The following TNXB variants were observed in gnomAD, a reference collection of about 807,000 sequenced individuals.
The protein encoded by TNXB is tenascin XB.
In TNXB, 183 loss-of-function variants were observed where a neutral mutation model predicts 340.5. That is an observed-to-expected ratio of 0.54 (90% CI 0.48 to 0.61). The LOEUF is 0.61. Among genes scored for constraint, TNXB ranks in the 20% least tolerant of loss-of-function variants. The pLI is 0.00. For synonymous variants in TNXB, 2,121 were observed against 2,314.5 expected, an observed-to-expected ratio of 0.92 and a Z score of 2.40; for missense variants, 4,613 against 5,446.4, an observed-to-expected ratio of 0.85 and a Z score of 4.82.
rs1295158109 is a variant in TNXB, at chr6:32,073,655, A to G, written c.4673T>C (p.Ile1558Thr). 1 of 1,606,480 alleles carries G rather than the reference A, an allele frequency of 6.2e-7. No homozygotes were observed. Among genetic ancestry groups the G allele is most frequent in the Non-Finnish European group, 8.5e-7 (1 of 1,176,608 alleles). ...GQRMGPLSVVIVTAPLPPAPA... is the reference protein window; with the variant it reads ...GQRMGPLSVVTVTAPLPPAPA... The stretch of plus-strand genomic sequence containing the variant: ...GTCCCCCCATTACTCACCCGTCACG[A>G]TGACCACAGACAGGGGGCCCATGCG... Residue 1558 changes from isoleucine (I) to threonine (T), a missense_variant, in exon 12 of 44, where the codon ATC (isoleucine) becomes ACC (threonine). Around this residue, in one of 7 missense-constraint regions of TNXB, gnomAD observed 4,327 missense variants for 4,859.4 expected, o/e 0.89. Coordinates refer to ENST00000644971, the MANE Select transcript of TNXB (RefSeq NM_001365276.2). This position sits in a 1 kb window ranked among gnomAD's most constrained non-coding sequence, Gnocchi z 4.6.
rs1291620439 is a variant in TNXB, at chr6:32,096,527, G to A, written c.1326C>T (p.Arg442=). 1 of 1,596,848 alleles carries A rather than the reference G, an allele frequency of 6.3e-7. No individual in the cohort carries two copies. Among genetic ancestry groups the A allele is most frequent in the Non-Finnish European group, 8.5e-7 (1 of 1,177,098 alleles). The change falls in exon 3 of 44, where the codon CGC becomes CGT. Residue 442 remains arginine, a synonymous_variant. Transcript: ENST00000644971. ...CACACACGCCGTTCTCGCAGCGCCC[G>A]CGACCTCTACAGTCGCGTGGGCAGG... ...SRACPRDCRG[R]GRCENGVCVC...
chr6:32,105,929 A>G lies in TNXB; in HGVS notation c.-9+3252T>C, dbSNP rs114267997. 4.3e-3 allele frequency among the ~76,000 whole-genome samples: 654 copies of G among 152,346 alleles called. 2 individuals carry two copies. Among genetic ancestry groups the G allele is most frequent in the African/African-American group, 0.012 (487 of 41,580 alleles). ...AATTGTGGTTTATTCACACCGTGGA[A>G]TAAAATAAAGCAGGAATGAACTATA... On this transcript the variant is annotated intron_variant, in intron 1 of 43. Transcript: ENST00000644971.
Position 32,097,364 on chromosome 6 carries a change from A to C in TNXB, c.489T>G (p.Gly163=). 1 of 1,612,604 alleles carries C rather than the reference A, an allele frequency of 6.2e-7. No individual in the cohort carries two copies. The highest frequency in any genetic ancestry group is 8.5e-7 in the Non-Finnish European group (1 of 1,179,842). Residue 163 remains glycine, a synonymous_variant, in exon 3 of 44, where the codon GGT becomes GGG. Coordinates refer to ENST00000644971, the MANE Select transcript of TNXB (RefSeq NM_001365276.2). The surrounding 1 kb of genome is among the most constrained non-coding windows in gnomAD (Gnocchi z 5.9). ...RCTCSCEPGW[G]GPTCSDPTDA... ...CTGTGGGGTCTGAGCAGGTGGGCCC[A>C]CCCCAGCCTGGCTCACAGGAACAGG...
chr6:32,089,364 G>T lies in TNXB; in HGVS notation c.2374C>A (p.Pro792Thr), dbSNP rs1386695678. Residue 792 changes from proline to threonine, a missense_variant, in exon 5 of 44, where the codon CCC becomes ACC. By Grantham distance (38) the Pro-to-Thr change is conservative. Coordinates refer to ENST00000644971, the MANE Select transcript of TNXB (RefSeq NM_001365276.2). The surrounding 1 kb of genome is among the most constrained non-coding windows in gnomAD (Gnocchi z 6.2). ...QFIPTTEGASPPFTARVPSSA... is the reference protein window; with the variant it reads ...QFIPTTEGASTPFTARVPSSA... ...CTTGGAACCCGTGCTGTGAATGGGGGGCTCGCCCCCTCTGTCTGTGAGAGA... is the reference window on the plus strand; with the variant it reads ...CTTGGAACCCGTGCTGTGAATGGGGTGCTCGCCCCCTCTGTCTGTGAGAGA... 1 of 1,607,060 alleles carries T rather than the reference G, an allele frequency of 6.2e-7. No individual in the cohort carries two copies. The highest frequency in any genetic ancestry group is 1.1e-5 in the South Asian group (1 of 89,464).
chr6:32,093,307 C>T lies in TNXB; in HGVS notation c.2358+1769G>A, dbSNP rs781231897. 13 of 680,676 alleles carry T rather than the reference C, an allele frequency of 1.9e-5. 1 individual carries two copies. Among genetic ancestry groups the T allele is most frequent in the South Asian group, 7.6e-5 (5 of 65,604 alleles). 42.2% of individuals were successfully genotyped at this position (680,676 alleles called of 1,614,324 possible). A position where few individuals can be genotyped will look rare whatever the true frequency, so the allele number is the denominator to read the frequency against. Reference sequence around the variant, plus strand: ...TTCTCTAGTTGCCAAATTCTTGTCTCGTGATTAAAGTATTTTTATAACAAC... The same window carrying T: ...TTCTCTAGTTGCCAAATTCTTGTCTTGTGATTAAAGTATTTTTATAACAAC... On this transcript the variant is annotated intron_variant, in intron 4 of 43. Coordinates refer to ENST00000644971, the MANE Select transcript of TNXB (RefSeq NM_001365276.2).
Position 32,083,684 on chromosome 6 carries a change from C to A in TNXB, c.3445+729G>T, listed in dbSNP as rs1410335663. Among the ~76,000 whole-genome samples, 1 of 152,058 alleles carries A rather than the reference C, an allele frequency of 6.6e-6. No homozygotes were observed. Among genetic ancestry groups the A allele is most frequent in the Non-Finnish European group, 1.5e-5 (1 of 68,004 alleles). ...TTTTGAGACAGGGTGTTGCTCTGTG[C>A]AGAGTGTGGATAGCACCCAGGCTGG... On this transcript the variant is annotated intron_variant, in intron 8 of 43. Coordinates refer to ENST00000644971, the MANE Select transcript of TNXB (RefSeq NM_001365276.2). The surrounding 1 kb of genome is among the most constrained non-coding windows in gnomAD (Gnocchi z 4.6).
At position 32,055,893 on chromosome 6, in the gene TNXB, C is replaced by T. The variant is rs1046018971; in HGVS notation, c.8425G>A (p.Glu2809Lys). 6 of 1,613,174 alleles carry T rather than the reference C, an allele frequency of 3.7e-6. No individual in the cohort carries two copies. The highest frequency in any genetic ancestry group is 1.7e-5 in the Admixed American group (1 of 60,004). ...KYKMHLYGLH[E>K]GRRVGPVSTV... is the part of the protein sequence containing the mutation. ...GACACCGGGCCCACACGCCGCCCCT[C>T]GTGGAGGCCGTACAGGTGCATCTTG... Residue 2809 changes from glutamate to lysine, a missense_variant, in exon 24 of 44, where the codon GAG (glutamate) becomes AAG (lysine). This residue lies in a region of TNXB where 4,327 missense variants were observed against 4,859.4 expected (regional missense o/e 0.89). Transcript: ENST00000644971.
At chr6:32,105,977 A>G (rs561198987) in intron 1 of TNXB, among the ~76,000 whole-genome samples, 1 of 152,334 alleles carries the variant, frequency 6.6e-6, no homozygotes, top group South Asian at 2.1e-4. Flanking sequence ...AGTGTGATGG[A>G]TCTTACTAAG....
rs1777092322 is a variant in TNXB at position 32,049,218 on chromosome 6, C to A, written c.9757+52G>T. 1.9e-6 allele frequency: 3 copies of A among 1,562,996 alleles called. No homozygotes were observed. The highest frequency in any genetic ancestry group is 2.6e-6 in the Non-Finnish European group (3 of 1,153,264). On this transcript the variant is annotated intron_variant, in intron 28 of 43. Coordinates refer to ENST00000644971, the MANE Select transcript of TNXB (RefSeq NM_001365276.2). This position sits in a 1 kb window ranked among gnomAD's most constrained non-coding sequence, Gnocchi z 4.5. ...GGTGCCAAGATCCAAAGGAGAAACA[C>A]AAGGGGGCTGCAGAGGTAAACCTGG...
At chr6:32,107,423 C>T (rs1458694776) in intron 1 of TNXB, among the ~76,000 whole-genome samples, 1 of 152,116 alleles carries the variant, frequency 6.6e-6, no homozygotes, top group Admixed American at 6.5e-5. Flanking sequence ...TTGCCACCAC[C>T]CAGCCCTCCA....
chr6:32,096,668 G>T lies in TNXB; in HGVS notation c.1185C>A (p.Ser395Arg). Reference sequence around the variant, plus strand: ...AGCTGCGCACGCCGCAGTCGTCCCCGCTGTAGCCCGTGTCGCAAATGCATT... The same window carrying T: ...AGCTGCGCACGCCGCAGTCGTCCCCTCTGTAGCCCGTGTCGCAAATGCATT... ...DGECICDTGY[S>R]GDDCGVRSCP... The change falls in exon 3 of 44, where the codon AGC becomes AGA. Residue 395 changes from serine to arginine, a missense_variant. Around this residue, in one of 7 missense-constraint regions of TNXB, gnomAD observed 4,327 missense variants for 4,859.4 expected, o/e 0.89. Coordinates refer to ENST00000644971, the MANE Select transcript of TNXB (RefSeq NM_001365276.2). 1.3e-6 allele frequency: 2 copies of T among 1,549,860 alleles called. No homozygotes were observed. The highest frequency in any genetic ancestry group is 1.7e-6 in the Non-Finnish European group (2 of 1,152,162).
chr6:32,069,011 C>T lies in TNXB; in HGVS notation c.5713G>A (p.Glu1905Lys), dbSNP rs17207923. The T allele has an allele frequency of 0.022, 35,919 of 1,612,862 alleles. 658 individuals carry two copies. The highest frequency in any genetic ancestry group is 0.083 in the African/African-American group (6,198 of 75,032). The change falls in exon 16 of 44, where the codon GAG becomes AAG. Residue 1905 changes from glutamate (E) to lysine (K), a missense_variant. Around this residue, in one of 7 missense-constraint regions of TNXB, gnomAD observed 4,327 missense variants for 4,859.4 expected, o/e 0.89. Coordinates refer to ENST00000644971, the MANE Select transcript of TNXB (RefSeq NM_001365276.2). The surrounding 1 kb of genome is among the most constrained non-coding windows in gnomAD (Gnocchi z 6.2). ...ATTTCGAAGGAGTCAAATTCTCCCT[C>T]AGTCACCATCCAGGAGAGATGCAGG... is the stretch of plus-strand genomic sequence containing the variant. ...HTLHLSWMVT[E>K]GEFDSFEIQY...
rs1778666553 is a variant in TNXB at position 32,070,055 on chromosome 6, GCCA to G, written c.5278+69_5278+71del. ...CTGGGGCCAAATAATGGTAATGGCA[GCCA>G]CCACAAGTGACCGTCTGCTGCTTGG... On this transcript the variant is annotated intron_variant, in intron 14 of 43. Coordinates refer to ENST00000644971, the MANE Select transcript of TNXB (RefSeq NM_001365276.2). The surrounding 1 kb of genome is among the most constrained non-coding windows in gnomAD (Gnocchi z 6.0). The G allele has an allele frequency of 1.4e-6, 2 of 1,458,854 alleles. No homozygotes were observed. Among genetic ancestry groups the G allele is most frequent in the Non-Finnish European group, 1.8e-6 (2 of 1,108,508 alleles). The allele number at this position is 1,458,854 out of a possible 1,614,324, so 90.4% of individuals were successfully genotyped here. A position where few individuals can be genotyped will look rare whatever the true frequency, so the allele number is the denominator to read the frequency against.
Position 32,052,984 on chromosome 6 carries a change from T to C in TNXB, c.8801A>G (p.Glu2934Gly). The C allele has an allele frequency of 1.2e-6, 2 of 1,610,638 alleles. No homozygotes were observed. The highest frequency in any genetic ancestry group is 1.7e-6 in the Non-Finnish European group (2 of 1,178,744). ...GGGTTCTGTGGGGGCGGGAGTTTCT[T>C]CCTCTGCAGCTGAGAAGAGGGGACA... ...ISVIGVTAAEEETPAPTEPST... is the reference protein window; with the variant it reads ...ISVIGVTAAEGETPAPTEPST... The change falls in exon 26 of 44, where the codon GAA becomes GGA. Residue 2934 changes from glutamate (E) to glycine (G), a missense_variant. Coordinates refer to ENST00000644971, the MANE Select transcript of TNXB (RefSeq NM_001365276.2). The surrounding 1 kb of genome is among the most constrained non-coding windows in gnomAD (Gnocchi z 4.7).
In TNXB at chr6:32,085,730, G is replaced by A; in HGVS notation, c.3148+20C>T. The A allele has an allele frequency of 6.6e-6, 10 of 1,520,840 alleles. No individual in the cohort carries two copies. The highest frequency in any genetic ancestry group is 8.8e-6 in the Non-Finnish European group (10 of 1,133,828). 94.2% of individuals were successfully genotyped at this position (1,520,840 alleles called of 1,614,324 possible). A position where few individuals can be genotyped will look rare whatever the true frequency, so the allele number is the denominator to read the frequency against. ...TCCCCCAATCTCAGGATATTGATCTGAGCAGAGTCCAAGATGTACCCATAA... is the reference window on the plus strand; with the variant it reads ...TCCCCCAATCTCAGGATATTGATCTAAGCAGAGTCCAAGATGTACCCATAA... On this transcript the variant is annotated intron_variant, in intron 7 of 43. Coordinates refer to ENST00000644971, the MANE Select transcript of TNXB (RefSeq NM_001365276.2). This position sits in a 1 kb window ranked among gnomAD's most constrained non-coding sequence, Gnocchi z 6.4.
rs1012103003 is a variant in TNXB at position 32,046,488 on chromosome 6, C to A, written c.10325-32G>T. On this transcript the variant is annotated intron_variant, in intron 30 of 43. Transcript: ENST00000644971. The surrounding 1 kb of genome is among the most constrained non-coding windows in gnomAD (Gnocchi z 6.9). ...AGAGGGAGGAGGGAAAGCTCTTAGT[C>A]ACATGCTGCCTTTGCCTAAGCCCTG... The A allele has an allele frequency of 2.6e-6, 4 of 1,526,566 alleles. No homozygotes were observed. The highest frequency in any genetic ancestry group is 3.5e-6 in the Non-Finnish European group (4 of 1,133,412). The allele number at this position is 1,526,566 out of a possible 1,614,324, so 94.6% of individuals were successfully genotyped here.
Position 32,069,403 on chromosome 6 carries a change from C to G in TNXB, c.5587+150G>C. 1 of 1,001,598 alleles carries G rather than the reference C, an allele frequency of 1.0e-6. No individual in the cohort carries two copies. Among genetic ancestry groups the G allele is most frequent in the Non-Finnish European group, 1.4e-6 (1 of 710,054 alleles). 62.0% of individuals were successfully genotyped at this position (1,001,598 alleles called of 1,614,324 possible). A position where few individuals can be genotyped will look rare whatever the true frequency, so the allele number is the denominator to read the frequency against. On this transcript the variant is annotated intron_variant, in intron 15 of 43. Coordinates refer to ENST00000644971, the MANE Select transcript of TNXB (RefSeq NM_001365276.2). The surrounding 1 kb of genome is among the most constrained non-coding windows in gnomAD (Gnocchi z 6.2). Reference sequence around the variant, plus strand: ...AGACAGTGGTTGCTGGAGGCTGGGACTGGGGCAACTGACTCTAAAGGGGCA... The same window carrying G: ...AGACAGTGGTTGCTGGAGGCTGGGAGTGGGGCAACTGACTCTAAAGGGGCA...
chr6:32,049,195 T>A lies in TNXB; in HGVS notation c.9757+75A>T. On this transcript the variant is annotated intron_variant, in intron 28 of 43. Coordinates refer to ENST00000644971, the MANE Select transcript of TNXB (RefSeq NM_001365276.2). The surrounding 1 kb of genome is among the most constrained non-coding windows in gnomAD (Gnocchi z 4.5). ...AACCTAGAGGCCCAGTCAAAAGAGGTGCCAAGATCCAAAGGAGAAACACAA... is the reference window on the plus strand; with the variant it reads ...AACCTAGAGGCCCAGTCAAAAGAGGAGCCAAGATCCAAAGGAGAAACACAA... 6.7e-7 allele frequency: 1 copy of A among 1,494,870 alleles called. No homozygotes were observed. The highest frequency in any genetic ancestry group is 1.3e-5 in the South Asian group (1 of 75,832). The allele number at this position is 1,494,870 out of a possible 1,614,324, so 92.6% of individuals were successfully genotyped here. A position where few individuals can be genotyped will look rare whatever the true frequency, so the allele number is the denominator to read the frequency against.
At chr6:32,056,472 A>G in intron 23 of TNXB, 114 bp downstream of exon 23, 4 of 1,492,648 alleles carry the variant, frequency 2.7e-6, no homozygotes, top group Non-Finnish European at 2.7e-6. Flanking sequence ...CCCAGCCACA[A>G]GCAGGTCTGT....
Sources: gnomAD v4.1 joint callset for allele counts (sites outside exome capture counted in the v4.1 genomes callset) on GRCh38, gnomAD v4.1.1 for gene constraint, gnomAD v4.1.1 regional missense constraint, Gnocchi (gnomAD v3.1) non-coding constraint, MANE v1.5 for transcripts, NCBI Gene and HGNC (gene_info 2026-07-23, HGNC 2026-07-21) for gene names.